The following SLC25A26 variants were observed in gnomAD, a reference collection of about 807,000 sequenced individuals.
SLC25A26 encodes mitochondrial S-adenosylmethionine carrier protein.
Under a neutral mutation model 37.8 loss-of-function variants are expected in SLC25A26, and 36 were observed. The ratio of observed to expected loss-of-function variants is 0.95; its 90% CI spans 0.73 to 1.26. SLC25A26 has a LOEUF of 1.26. Ranked by LOEUF, SLC25A26 falls within the 50% of genes most tolerant of loss-of-function variation. The pLI is 0.00. For synonymous variants in SLC25A26, 129 were observed against 122.5 expected (o/e 1.05, Z -0.35); for missense variants, 390 against 331.1 (o/e 1.18, Z -1.38).
intron 1 of SLC25A26, among the ~76,000 whole-genome samples, chr3:66,140,858 A>G (rs929541950): frequency 2.6e-5 from 4 of 152,188 alleles, no homozygotes; most frequent in Non-Finnish European, 2.9e-5. Context: ...TGTCAAAGGC[A>G]TGATTGAACT....
chr3:66,152,236 G>C (rs2070219032), intron 1 of SLC25A26, among the ~76,000 whole-genome samples: 1 of 152,238 alleles, frequency 6.6e-6, no homozygotes, highest in Admixed American at 6.5e-5. Flanking sequence ...CTGCTACCAT[G>C]TGATTTTGAG....
At chr3:66,209,137 T>TTATATATA (rs1231954950) in intron 1 of SLC25A26, among the ~76,000 whole-genome samples, 2 of 94,052 alleles carry the variant, frequency 2.1e-5, no homozygotes, top group South Asian at 7.7e-4. Flanking sequence ...TATATACCTT[T>TTATATATA]TATATATATA....
chr3:66,205,134 A>G (rs890343723), intron 1 of SLC25A26, among the ~76,000 whole-genome samples: 8,760 of 152,262 alleles, frequency 0.058, 642 homozygotes, highest in African/African-American at 0.17. Flanking sequence ...GAAGCCTGCA[A>G]TGTGCAACAA....
chr3:66,305,713 T>C (rs1488528933), intron 5 of SLC25A26, among the ~76,000 whole-genome samples: 1 of 152,146 alleles, frequency 6.6e-6, no homozygotes, highest in Non-Finnish European at 1.5e-5. Context: ...GGTATTTGGT[T>C]TGGGTTGATT....
intron 5 of SLC25A26, among the ~76,000 whole-genome samples, chr3:66,332,521 C>T (rs1269895280): frequency 1.3e-5 from 2 of 152,074 alleles, no homozygotes; most frequent in Non-Finnish European, 2.9e-5. Flanking sequence ...ATGTGCCTTA[C>T]AATTGATGAT....
At chr3:66,247,308 C>T (rs1370848410) in intron 3 of SLC25A26, among the ~76,000 whole-genome samples, 1 of 151,938 alleles carries the variant, frequency 6.6e-6, no homozygotes, top group Non-Finnish European at 1.5e-5. Context: ...TGCACACACA[C>T]ATATTTACAA....
intron 5 of SLC25A26, among the ~76,000 whole-genome samples, chr3:66,316,881 A>T (rs1443562120): frequency 2.0e-5 from 3 of 151,800 alleles, no homozygotes; most frequent in African/African-American, 7.3e-5. Flanking sequence ...CTTCTCTTCC[A>T]CTTGGTCTAT....
chr3:66,330,152 AG>A (rs1404472336), intron 5 of SLC25A26, among the ~76,000 whole-genome samples: 1 of 152,178 alleles, frequency 6.6e-6, no homozygotes, highest in Non-Finnish European at 1.5e-5. Flanking sequence ...TGTGTGAGAG[AG>A]CAAGCTGTCA....
intron 1 of SLC25A26, among the ~76,000 whole-genome samples, chr3:66,138,344 A>G (rs750656991): frequency 6.6e-6 from 1 of 152,144 alleles, no homozygotes; most frequent in East Asian, 1.9e-4. Flanking sequence ...CTTCAGACAC[A>G]TCACACTCCA....
intron 9 of SLC25A26, among the ~76,000 whole-genome samples, chr3:66,374,524 A>C (rs1435611355): frequency 6.6e-6 from 1 of 152,196 alleles, no homozygotes; most frequent in African/African-American, 2.4e-5. Flanking sequence ...AGTTAGGCCA[A>C]TTAATAATCC....
At chr3:66,213,595 T>G (rs1400960574) in intron 1 of SLC25A26, among the ~76,000 whole-genome samples, 2 of 151,986 alleles carry the variant, frequency 1.3e-5, no homozygotes, top group African/African-American at 2.4e-5. Flanking sequence ...ACCAGAGGGG[T>G]ATATTTGTTA....
chr3:66,318,835 A>G (rs1174378927), intron 5 of SLC25A26, among the ~76,000 whole-genome samples: 1 of 151,874 alleles, frequency 6.6e-6, no homozygotes, highest in Non-Finnish European at 1.5e-5. Context: ...TTTATTATAG[A>G]GATGGTATCT....
chr3:66,342,294 A>G (rs1313956164), intron 5 of SLC25A26, among the ~76,000 whole-genome samples: 1 of 152,126 alleles, frequency 6.6e-6, no homozygotes, highest in East Asian at 1.9e-4. Flanking sequence ...ATTTCTGCCA[A>G]TGACGAAAGC....
intron 3 of SLC25A26, among the ~76,000 whole-genome samples, chr3:66,250,962 G>T (rs1179273652): frequency 6.6e-6 from 1 of 152,126 alleles, no homozygotes; most frequent in East Asian, 1.9e-4. Flanking sequence ...TTTTGTGTTT[G>T]TGGCAGGGCA....
intron 9 of SLC25A26, among the ~76,000 whole-genome samples, chr3:66,374,319 A>G (rs1700515510): frequency 6.6e-6 from 1 of 152,094 alleles, no homozygotes; most frequent in Admixed American, 6.5e-5. Flanking sequence ...AAATATTTTC[A>G]TTATCATATC....
chr3:66,170,801 T>TTG (rs1553649990), intron 1 of SLC25A26, among the ~76,000 whole-genome samples: 1 of 124,334 alleles, frequency 8.0e-6, no homozygotes, highest in African/African-American at 3.2e-5. Flanking sequence ...GTTTTTTTTT[T>TTG]TTTTTTTTTT....
intron 5 of SLC25A26, 144 bp downstream of exon 5, chr3:66,263,523 A>C: frequency 1.6e-6 from 1 of 633,268 alleles, no homozygotes; most frequent in Non-Finnish European, 2.8e-6. Context: ...CTCTTCTGTT[A>C]AATTTTCTGA....
intron 1 of SLC25A26, among the ~76,000 whole-genome samples, chr3:66,204,621 G>A (rs1016197657): frequency 2.0e-5 from 3 of 152,042 alleles, no homozygotes; most frequent in Non-Finnish European, 4.4e-5. Flanking sequence ...CAAGAACATT[G>A]TCTATCTTGT....
At chr3:66,203,784 A>C (rs2071138754) in intron 1 of SLC25A26, among the ~76,000 whole-genome samples, 1 of 152,236 alleles carries the variant, frequency 6.6e-6, no homozygotes, top group Non-Finnish European at 1.5e-5. Flanking sequence ...AATTGATTAC[A>C]TTCTAGGGTC....
Sources: allele counts gnomAD v4.1 joint callset (sites outside exome capture counted in the v4.1 genomes callset), GRCh38; gene constraint gnomAD v4.1.1; transcripts MANE v1.5; gene names NCBI Gene and HGNC (gene_info 2026-07-23, HGNC 2026-07-21).